Variants in HS3ST5 observed in about 807,000 individuals in gnomAD.
HS3ST5 encodes the protein heparan sulfate glucosamine 3-O-sulfotransferase 5.
In HS3ST5, 10 loss-of-function variants were observed where a neutral mutation model predicts 25.4. That is an observed-to-expected ratio of 0.39 (90% CI 0.24 to 0.67). The LOEUF is 0.67. HS3ST5 is among the 30% of genes least tolerant of loss of function. HS3ST5 has a pLI of 0.44. For synonymous variants in HS3ST5, 170 were observed against 162.4 expected, an observed-to-expected ratio of 1.05 and a Z score of -0.36; for missense variants, 324 against 420.7, an observed-to-expected ratio of 0.77 and a Z score of 2.01.
chr6:114,294,616 T>C (rs1045684213), intron 1 of HS3ST5, among the ~76,000 whole-genome samples: 1 of 152,024 alleles, frequency 6.6e-6, no homozygotes, highest in Non-Finnish European at 1.5e-5. Flanking sequence ...CAGCTAATTT[T>C]CTGTATTTTT....
intron 1 of HS3ST5, among the ~76,000 whole-genome samples, chr6:114,287,970 C>G (rs1379403661): frequency 6.6e-6 from 1 of 151,894 alleles, no homozygotes. Flanking sequence ...CTTACTGAAA[C>G]TAGCAATGTG....
chr6:114,298,625 A>G (rs1226171651), intron 1 of HS3ST5, among the ~76,000 whole-genome samples: 3 of 152,232 alleles, frequency 2.0e-5, no homozygotes, highest in Non-Finnish European at 4.4e-5. Context: ...CTCTTGTCCT[A>G]TGTTGCGGGA....
intron 3 of HS3ST5, among the ~76,000 whole-genome samples, chr6:114,090,808 A>T (rs1414853818): frequency 1.3e-5 from 2 of 152,252 alleles, no homozygotes; most frequent in Non-Finnish European, 2.9e-5. Context: ...TAATGAAGTT[A>T]TCTTGCTAAT....
intron 2 of HS3ST5, among the ~76,000 whole-genome samples, chr6:114,171,891 A>T (rs1779490536): frequency 6.6e-6 from 1 of 152,222 alleles, no homozygotes; most frequent in South Asian, 2.1e-4. Context: ...ATTTGGCTTG[A>T]CTATTAGTAA....
At chr6:114,183,370 A>C (rs1160595106) in intron 2 of HS3ST5, among the ~76,000 whole-genome samples, 1 of 152,168 alleles carries the variant, frequency 6.6e-6, no homozygotes, top group Admixed American at 6.5e-5. Flanking sequence ...GTCTGCTGCC[A>C]TGTGAGATGT....
chr6:114,116,065 A>G (rs2114862071), intron 3 of HS3ST5: 1 of 152,234 alleles, frequency 6.6e-6, no homozygotes, highest in Admixed American at 6.5e-5. Context: ...CACTGCTTGA[A>G]GTTTAAAGTA....
chr6:114,325,696 C>A (rs1776145900), intron 1 of HS3ST5, among the ~76,000 whole-genome samples: 1 of 151,982 alleles, frequency 6.6e-6, no homozygotes, highest in Admixed American at 6.6e-5. Context: ...AAAAACAAAC[C>A]CACTCAGTTT....
rs572939852 is a variant in HS3ST5, at chr6:114,129,647, G to A, written c.-33+38704C>T. 8.5e-5 allele frequency among the ~76,000 whole-genome samples: 13 copies of A among 152,292 alleles called. No individual in the cohort carries two copies. In the South Asian group the frequency reaches 2.1e-3, roughly 24 times the overall value. On this transcript the variant is annotated intron_variant, in intron 3 of 4. Transcript: ENST00000312719. Reference sequence around the variant, plus strand: ...GTTAGGAGAGCTCAGTAACATCACCGAAAATTCTCTGGGGTGGAGAGAAGA... The same window carrying A: ...GTTAGGAGAGCTCAGTAACATCACCAAAAATTCTCTGGGGTGGAGAGAAGA...
At chr6:114,328,770 T>C (rs1489439354) in intron 1 of HS3ST5, among the ~76,000 whole-genome samples, 1 of 152,180 alleles carries the variant, frequency 6.6e-6, no homozygotes, top group Non-Finnish European at 1.5e-5. Flanking sequence ...TGTAATCTAT[T>C]TTAGGGAACT....
chr6:114,219,689 C>T (rs980961727), intron 2 of HS3ST5, among the ~76,000 whole-genome samples: 3 of 151,856 alleles, frequency 2.0e-5, no homozygotes, highest in Non-Finnish European at 4.4e-5. Flanking sequence ...TCTAAAATGC[C>T]TAATGCGAGA....
intron 3 of HS3ST5, among the ~76,000 whole-genome samples, chr6:114,122,363 G>T (rs1171635176): frequency 6.6e-6 from 1 of 152,140 alleles, no homozygotes; most frequent in Non-Finnish European, 1.5e-5. Flanking sequence ...AGTAGATTTT[G>T]TCTGGGTCTG....
intron 4 of HS3ST5, 58 bp from the exon 5 acceptor site, chr6:114,058,248 T>C (rs537722592): frequency 7.4e-7 from 1 of 1,342,444 alleles, no homozygotes; most frequent in South Asian, 1.4e-5. Context: ...ATTTTTCTGG[T>C]TCCCCAGTCA....
At chr6:114,294,644 A>C (rs1030253684) in intron 1 of HS3ST5, among the ~76,000 whole-genome samples, 1 of 151,936 alleles carries the variant, frequency 6.6e-6, no homozygotes, top group Non-Finnish European at 1.5e-5. Flanking sequence ...ACGGGGTTTC[A>C]CCGTGGTCTC....
At chr6:114,114,373 T>C (rs1365230684) in intron 3 of HS3ST5, among the ~76,000 whole-genome samples, 1 of 152,168 alleles carries the variant, frequency 6.6e-6, no homozygotes, top group Non-Finnish European at 1.5e-5. Context: ...ATCCCTCCCA[T>C]TTCTGATTTA....
chr6:114,331,980 T>C (rs1298474802), intron 1 of HS3ST5, among the ~76,000 whole-genome samples: 2 of 151,942 alleles, frequency 1.3e-5, no homozygotes, highest in African/African-American at 2.4e-5. Context: ...TTAAATAATA[T>C]GATTATTAGA....
chr6:114,105,061 A>G (rs897151303), intron 3 of HS3ST5, among the ~76,000 whole-genome samples: 4 of 152,212 alleles, frequency 2.6e-5, no homozygotes, highest in Admixed American at 6.5e-5. Context: ...ATAGCTGTCA[A>G]TAGAACCACT....
At chr6:114,228,411 A>T (rs565071959) in intron 2 of HS3ST5, among the ~76,000 whole-genome samples, 174 bp downstream of exon 2, 1 of 152,166 alleles carries the variant, frequency 6.6e-6, no homozygotes, top group African/African-American at 2.4e-5. Flanking sequence ...CAATTTTTAA[A>T]CATTATGTTT....
chr6:114,143,393 A>G (rs1009800538), intron 3 of HS3ST5, among the ~76,000 whole-genome samples: 1 of 152,148 alleles, frequency 6.6e-6, no homozygotes, highest in Non-Finnish European at 1.5e-5. Flanking sequence ...ATATATAACC[A>G]TTGTCTAATT....
chr6:114,292,054 TA>T (rs1206570533), intron 1 of HS3ST5, among the ~76,000 whole-genome samples: 1 of 152,020 alleles, frequency 6.6e-6, no homozygotes, highest in Non-Finnish European at 1.5e-5. Context: ...CATTTTAAAA[TA>T]AAAAATGAAA....
Sources: gnomAD v4.1 joint callset for allele counts (sites outside exome capture counted in the v4.1 genomes callset) on GRCh38, gnomAD v4.1.1 for gene constraint, MANE v1.5 for transcripts, NCBI Gene and HGNC (gene_info 2026-07-23, HGNC 2026-07-21) for gene names.